The following DHX35 variants were observed in gnomAD, a reference collection of about 807,000 sequenced individuals.
DHX35 encodes probable ATP-dependent RNA helicase DHX35.
Under a neutral mutation model 99.6 loss-of-function variants are expected in DHX35, and 84 were observed. The observed-to-expected ratio is 0.84, with a 90% CI of 0.71 to 1.01. The LOEUF (loss-of-function observed/expected upper bound fraction) is 1.01. Among genes scored for constraint, DHX35 ranks in the 50% least tolerant of loss-of-function variants. The pLI is 0.00. For synonymous variants in DHX35, 331 were observed against 316.2 expected, an observed-to-expected ratio of 1.05 and a Z score of -0.50; for missense variants, 852 against 888.5, an observed-to-expected ratio of 0.96 and a Z score of 0.52.
intron 4 of DHX35, among the ~76,000 whole-genome samples, chr20:38,987,222 G>A (rs973484426): frequency 1.3e-5 from 2 of 152,048 alleles, no homozygotes; most frequent in Non-Finnish European, 2.9e-5. Context: ...TTATGTGGTG[G>A]TGAATACTAA....
chr20:39,034,468 C>A, intron 21 of DHX35, 151 bp downstream of exon 21: 1 of 620,366 alleles, frequency 1.6e-6, no homozygotes, highest in Non-Finnish European at 2.9e-6. Context: ...CCAAAACATT[C>A]TGGGAAAGCA....
At chr20:38,971,238 C>T (rs545861024) in intron 2 of DHX35, among the ~76,000 whole-genome samples, 31 of 152,192 alleles carry the variant, frequency 2.0e-4, no homozygotes, top group African/African-American at 6.7e-4. Flanking sequence ...TTTGTAATCC[C>T]AGCTACTTGG....
At chr20:39,000,645 C>G (rs1032923482) in intron 8 of DHX35, among the ~76,000 whole-genome samples, 1 of 152,232 alleles carries the variant, frequency 6.6e-6, no homozygotes, top group Non-Finnish European at 1.5e-5. Flanking sequence ...AGAGCCCCTT[C>G]ACTTAGCGTT....
At chr20:39,037,569 G>C (rs1048595894) in intron 21 of DHX35, among the ~76,000 whole-genome samples, 2 of 152,186 alleles carry the variant, frequency 1.3e-5, no homozygotes, top group Non-Finnish European at 2.9e-5. Flanking sequence ...GCTTGATGTT[G>C]TGGGGCCATG....
intron 12 of DHX35, among the ~76,000 whole-genome samples, chr20:39,008,855 A>G (rs2086657750): frequency 6.6e-6 from 1 of 152,194 alleles, no homozygotes; most frequent in Admixed American, 6.5e-5. Flanking sequence ...CTCAAATGGC[A>G]ACATGCAGCT....
At chr20:39,006,630 G>T (rs2086623648) in intron 12 of DHX35, among the ~76,000 whole-genome samples, 1 of 152,184 alleles carries the variant, frequency 6.6e-6, no homozygotes, top group Non-Finnish European at 1.5e-5. Flanking sequence ...GTAGCCATTT[G>T]TCCCTAGGGT....
intron 5 of DHX35, among the ~76,000 whole-genome samples, chr20:38,989,586 A>T (rs910004519): frequency 1.3e-5 from 2 of 152,164 alleles, no homozygotes; most frequent in Admixed American, 6.5e-5. Flanking sequence ...GTCTTTTCTT[A>T]TGTGTATTTT....
At chr20:39,016,618 GT>G (rs2145922903) in intron 14 of DHX35, among the ~76,000 whole-genome samples, 1 of 152,232 alleles carries the variant, frequency 6.6e-6, no homozygotes, top group Non-Finnish European at 1.5e-5. Context: ...TATAAATGTG[GT>G]TTTGGTGGAC....
chr20:38,992,132 C>T (rs962707305), intron 6 of DHX35, among the ~76,000 whole-genome samples: 5 of 152,170 alleles, frequency 3.3e-5, no homozygotes, highest in African/African-American at 7.2e-5. Context: ...GATGGTAAAA[C>T]GCTTAAAGAT....
At chr20:39,024,251 T>A (rs1227499385) in intron 17 of DHX35, among the ~76,000 whole-genome samples, 1 of 152,232 alleles carries the variant, frequency 6.6e-6, no homozygotes, top group Non-Finnish European at 1.5e-5. Context: ...TGATGTTAAT[T>A]TTTTATTGTT....
Position 39,006,332 on chromosome 20 carries a change from G to A in DHX35, c.1198G>A (p.Gly400Arg). The A allele has an allele frequency of 6.2e-7, 1 of 1,614,104 alleles. No homozygotes were observed. Among genetic ancestry groups the A allele is most frequent in the Non-Finnish European group, 8.5e-7 (1 of 1,180,030 alleles). ...AGGACGTGGTGGTCGTAGTCGCTCG[G>A]GAAAATGTTATCGCCTTTATACAGG... is the stretch of plus-strand genomic sequence containing the variant. ...RAGRGGRSRS[G>R]KCYRLYTEEA... is the part of the protein sequence containing the mutation. Residue 400 changes from glycine to arginine, a missense_variant, in exon 12 of 22, where the codon GGA (glycine) becomes AGA (arginine). By Grantham distance (125) the Gly-to-Arg change is moderately radical. Transcript: ENST00000252011.
intron 1 of DHX35, among the ~76,000 whole-genome samples, chr20:38,966,016 A>C (rs2085905066): frequency 6.6e-6 from 1 of 152,244 alleles, no homozygotes; most frequent in Non-Finnish European, 1.5e-5. Context: ...GCTTTCTGGA[A>C]TGTGCTCTGA....
At chr20:39,019,884 C>G (rs919115735) in intron 15 of DHX35, among the ~76,000 whole-genome samples, 2 of 152,236 alleles carry the variant, frequency 1.3e-5, no homozygotes, top group Non-Finnish European at 2.9e-5. Context: ...TCCATTCACC[C>G]CCTGACCCAG....
intron 13 of DHX35, among the ~76,000 whole-genome samples, chr20:39,011,207 A>G (rs1393748691): frequency 6.6e-6 from 1 of 151,420 alleles, no homozygotes; most frequent in African/African-American, 2.4e-5. Context: ...TATTAAAGAC[A>G]TTAATTTTTA....
intron 13 of DHX35, among the ~76,000 whole-genome samples, chr20:39,012,873 G>T (rs1022512671): frequency 6.6e-6 from 1 of 152,142 alleles, no homozygotes; most frequent in African/African-American, 2.4e-5. Context: ...CAAAAATGGT[G>T]AAATCGAAAA....
chr20:38,979,524 T>G (rs1179058366), intron 3 of DHX35, among the ~76,000 whole-genome samples: 1 of 152,236 alleles, frequency 6.6e-6, no homozygotes, highest in Non-Finnish European at 1.5e-5. Flanking sequence ...ATCATTGTAA[T>G]AGATTGTATT....
At chr20:39,028,899 A>G (rs2086999863) in intron 19 of DHX35, among the ~76,000 whole-genome samples, 1 of 152,192 alleles carries the variant, frequency 6.6e-6, no homozygotes, top group African/African-American at 2.4e-5. Context: ...ACCCTGGTAT[A>G]GTGTGGCCAC....
At chr20:38,965,604 G>C (rs1336937185) in intron 1 of DHX35, among the ~76,000 whole-genome samples, 1 of 152,120 alleles carries the variant, frequency 6.6e-6, no homozygotes, top group Admixed American at 6.6e-5. Flanking sequence ...TTATCATATG[G>C]GTTCAGAGTT....
chr20:38,966,428 G>A (rs1277593914), intron 1 of DHX35, among the ~76,000 whole-genome samples: 1 of 152,206 alleles, frequency 6.6e-6, no homozygotes, highest in East Asian at 1.9e-4. Context: ...CTAGCACTTC[G>A]GGAGGTCGAG....
Sources: allele counts gnomAD v4.1 joint callset (sites outside exome capture counted in the v4.1 genomes callset), GRCh38; gene constraint gnomAD v4.1.1; transcripts MANE v1.5; gene names NCBI Gene and HGNC (gene_info 2026-07-23, HGNC 2026-07-21).